DCLK2: variants seen among roughly 807,000 people sequenced by gnomAD.
DCLK2 encodes doublecortin like kinase 2, also known as serine/threonine-protein kinase DCLK2.
In DCLK2, 31 loss-of-function variants were observed where a neutral mutation model predicts 78.4. The ratio of observed to expected loss-of-function variants is 0.40; its 90% CI spans 0.30 to 0.53. The LOEUF (loss-of-function observed/expected upper bound fraction) is 0.53, where lower values mean the gene tolerates loss of function less well. DCLK2 is among the 20% of genes least tolerant of loss of function. The pLI, the probability that DCLK2 is intolerant of heterozygous loss-of-function variation, is 0.61. For missense variants in DCLK2, 872 were observed against 973.7 expected (o/e 0.90, Z 1.39); for synonymous variants, 407 against 374.9 (o/e 1.09, Z -0.99).
intron 10 of DCLK2, 112 bp from the exon 11 acceptor site, chr4:150,239,630 A>T: frequency 7.3e-7 from 1 of 1,367,706 alleles, no homozygotes; most frequent in Non-Finnish European, 1.0e-6. Context: ...GAGAGATTTC[A>T]TTCGAGTTTA....
intron 2 of DCLK2, among the ~76,000 whole-genome samples, chr4:150,155,643 A>C (rs1735216388): frequency 6.6e-6 from 1 of 152,198 alleles, no homozygotes; most frequent in Non-Finnish European, 1.5e-5. Flanking sequence ...TACTGCCAGC[A>C]GGTGTTGAGA....
At chr4:150,247,744 T>C in intron 13 of DCLK2, 45 bp downstream of exon 13, 2 of 1,514,028 alleles carry the variant, frequency 1.3e-6, no homozygotes, top group Non-Finnish European at 1.8e-6. Context: ...CGTTGTGGGG[T>C]CCTCACCCAT....
At chr4:150,123,627 AG>A (rs1732718760) in intron 2 of DCLK2, among the ~76,000 whole-genome samples, 1 of 152,214 alleles carries the variant, frequency 6.6e-6, no homozygotes, top group East Asian at 1.9e-4. Context: ...TGCCTCATAC[AG>A]GGTTGCCACG....
chr4:150,256,096 CCA>C lies in DCLK2; in HGVS notation c.2151_2152del (p.Ile718LeufsTer38). 6.2e-7 allele frequency: 1 copy of C among 1,613,122 alleles called. No individual in the cohort carries two copies. The highest frequency in any genetic ancestry group is 8.5e-7 in the Non-Finnish European group (1 of 1,179,918). ...GACAGCGGCAGGCCTGGGATGGAGCCCATCTCTCCAGTTCCTCCCTCAGTGGA... is the reference window on the plus strand; with the variant it reads ...GACAGCGGCAGGCCTGGGATGGAGCCTCTCTCCAGTTCCTCCCTCAGTGGA... On this transcript the variant is annotated frameshift_variant, in exon 16 of 16. Coordinates refer to ENST00000296550, the MANE Select transcript of DCLK2 (RefSeq NM_001040260.4). LOFTEE classifies it low-confidence loss of function (END_TRUNC).
intron 1 of DCLK2, among the ~76,000 whole-genome samples, chr4:150,089,722 A>C (rs572566320): frequency 5.9e-5 from 9 of 152,364 alleles, no homozygotes; most frequent in Non-Finnish European, 1.0e-4. Context: ...CAACCCAAAC[A>C]CACTGACAGT....
chr4:150,182,504 A>G lies in DCLK2; in HGVS notation c.757-10634A>G, dbSNP rs147973507. ...ATCTAGATGGGCAGTTATTTAAAAT[A>G]AGTGTCTCATGCCAGCAATAGAAAT... On this transcript the variant is annotated intron_variant, in intron 2 of 15. Coordinates refer to ENST00000296550, the MANE Select transcript of DCLK2 (RefSeq NM_001040260.4). Among the ~76,000 whole-genome samples the G allele has an allele frequency of 3.9e-5, 6 of 152,342 alleles. No homozygotes were observed. The East Asian group carries it at 1.2e-3, about 29-fold the overall frequency.
chr4:150,235,308 G>A (rs904728016), intron 10 of DCLK2, among the ~76,000 whole-genome samples: 1 of 152,038 alleles, frequency 6.6e-6, no homozygotes, highest in Non-Finnish European at 1.5e-5. Context: ...CTTTTTTCTT[G>A]TCACACATCA....
intron 2 of DCLK2, among the ~76,000 whole-genome samples, chr4:150,157,829 A>G (rs550778742): frequency 1.3e-4 from 20 of 152,112 alleles, no homozygotes; most frequent in Non-Finnish European, 1.6e-4. Context: ...GAGTTTTGCC[A>G]TGTTTCCGGA....
intron 1 of DCLK2, among the ~76,000 whole-genome samples, chr4:150,084,913 A>G (rs983216788): frequency 6.6e-6 from 1 of 152,104 alleles, no homozygotes; most frequent in Non-Finnish European, 1.5e-5. Flanking sequence ...AAAGTAAACC[A>G]TTACCGTAAG....
chr4:150,090,786 A>T (rs1039357148), intron 1 of DCLK2, among the ~76,000 whole-genome samples: 7 of 152,230 alleles, frequency 4.6e-5, no homozygotes, highest in Non-Finnish European at 8.8e-5. Flanking sequence ...AAGGTATCAC[A>T]GACCATACAA....
intron 2 of DCLK2, among the ~76,000 whole-genome samples, chr4:150,175,205 T>A (rs1217680860): frequency 7.7e-6 from 1 of 129,782 alleles, no homozygotes; most frequent in Non-Finnish European, 1.6e-5. Context: ...CTATATATAT[T>A]TATATATATT....
At position 150,109,357 on chromosome 4, in the gene DCLK2, A is replaced by T. The variant is rs186275528; in HGVS notation, c.756+6545A>T. On this transcript the variant is annotated intron_variant, in intron 2 of 15. Transcript: ENST00000296550. Reference sequence around the variant, plus strand: ...TCCCTTTTTTTTTTTTTTCTCTGAGACGGAGTCTGGCTCTGTCGCCAGGCT... The same window carrying T: ...TCCCTTTTTTTTTTTTTTCTCTGAGTCGGAGTCTGGCTCTGTCGCCAGGCT... 5.0e-3 allele frequency among the ~76,000 whole-genome samples: 728 copies of T among 145,706 alleles called. 3 individuals carry two copies. Among genetic ancestry groups the T allele is most frequent in the Non-Finnish European group, 7.3e-3 (488 of 66,884 alleles).
chr4:150,239,826 G>T lies in DCLK2; in HGVS notation c.1651G>T (p.Val551Phe), dbSNP rs1259427707. The T allele has an allele frequency of 6.2e-7, 1 of 1,614,218 alleles. No individual in the cohort carries two copies. ...ATVVEGPLYT[V>F]CGTPTYVAPE... ...TGTGGTAGAAGGCCCTTTATACACA[G>T]TCTGTGGCACACCCACTTATGTGGC... Residue 551 changes from valine (V) to phenylalanine (F), a missense_variant, in exon 11 of 16, where the codon GTC (valine) becomes TTC (phenylalanine). Physicochemically the swap from Val to Phe is conservative, Grantham distance 50. Coordinates refer to ENST00000296550, the MANE Select transcript of DCLK2 (RefSeq NM_001040260.4).
intron 1 of DCLK2, among the ~76,000 whole-genome samples, chr4:150,098,702 T>TTC (rs1342284178): frequency 1.3e-5 from 2 of 149,496 alleles, no homozygotes; most frequent in Non-Finnish European, 3.0e-5. Context: ...CTTTTTCTTT[T>TTC]TTTTTTTTTT....
intron 2 of DCLK2, among the ~76,000 whole-genome samples, chr4:150,110,207 G>C (rs1731569974): frequency 6.6e-6 from 1 of 152,124 alleles, no homozygotes; most frequent in Admixed American, 6.5e-5. Flanking sequence ...AAACTCTCTT[G>C]TTTCCTCAAT....
intron 5 of DCLK2, among the ~76,000 whole-genome samples, chr4:150,205,451 G>A (rs1002271954): frequency 6.6e-6 from 1 of 152,166 alleles, no homozygotes; most frequent in African/African-American, 2.4e-5. Context: ...TAGGACGTTT[G>A]GAAGTAGGGA....
intron 1 of DCLK2, among the ~76,000 whole-genome samples, chr4:150,095,727 G>A (rs563651993): frequency 6.6e-6 from 1 of 152,256 alleles, no homozygotes; most frequent in South Asian, 2.1e-4. Flanking sequence ...TTTCCTAAGT[G>A]ATTTAACCAA....
chr4:150,153,530 A>G (rs911754243), intron 2 of DCLK2, among the ~76,000 whole-genome samples: 1 of 151,706 alleles, frequency 6.6e-6, no homozygotes, highest in African/African-American at 2.4e-5. Context: ...TACCCACCGC[A>G]GCAGTAGCTG....
intron 2 of DCLK2, among the ~76,000 whole-genome samples, chr4:150,158,819 C>T (rs936622021): frequency 2.0e-5 from 3 of 151,782 alleles, no homozygotes; most frequent in African/African-American, 7.3e-5. Flanking sequence ...GTGGTTGGGC[C>T]ACTGCACTCC....
Sources: gnomAD v4.1 joint callset for allele counts (sites outside exome capture counted in the v4.1 genomes callset) on GRCh38, gnomAD v4.1.1 for gene constraint, MANE v1.5 for transcripts, NCBI Gene and HGNC (gene_info 2026-07-23, HGNC 2026-07-21) for gene names.